The following PRKCB variants were observed in gnomAD, a reference collection of about 807,000 sequenced individuals.
PRKCB encodes the protein protein kinase C beta.
PRKCB carries 13 observed loss-of-function variants against 81.5 expected under a neutral mutation model. The ratio of observed to expected loss-of-function variants is 0.16; its 90% CI spans 0.10 to 0.25. The LOEUF is 0.25. Among genes scored for constraint, PRKCB ranks in the 10% least tolerant of loss-of-function variants. The probability of loss-of-function intolerance (pLI) is 1.00; values close to 1 mark genes in which losing one functional copy is unlikely to be tolerated. For synonymous variants in PRKCB, 335 were observed against 321.4 expected (o/e 1.04, Z -0.45); for missense variants, 509 against 875.7 (o/e 0.58, Z 5.29).
At chr16:24,172,445 A>G in intron 11 of PRKCB, 84 bp downstream of exon 11, 2 of 1,184,384 alleles carry the variant, frequency 1.7e-6, no homozygotes, top group Middle Eastern at 3.8e-4. Flanking sequence ...TTTGCCAAAG[A>G]GGGATCTTTA....
At chr16:23,977,358 C>T (rs1234795718) in intron 2 of PRKCB, among the ~76,000 whole-genome samples, 2 of 152,130 alleles carry the variant, frequency 1.3e-5, no homozygotes, top group Admixed American at 6.5e-5. Context: ...CACCCAGGAG[C>T]TTTTAAAACG....
At chr16:24,035,981 TTGA>T (rs962805255) in intron 5 of PRKCB, among the ~76,000 whole-genome samples, 18 of 152,288 alleles carry the variant, frequency 1.2e-4, no homozygotes, top group African/African-American at 4.3e-4. Context: ...AAATGGAGTC[TTGA>T]TGATAAACCC....
At position 24,216,687 on chromosome 16, in the gene PRKCB, TG is replaced by T; in HGVS notation, c.*1872del. Reference sequence around the variant, plus strand: ...CTTCAGGCTTGGGGACCGTCCCTGCTGTCCCCACTGTGGTGGCAATCAGGAC... The same window carrying T: ...CTTCAGGCTTGGGGACCGTCCCTGCTTCCCCACTGTGGTGGCAATCAGGAC... On this transcript the variant is annotated 3_prime_UTR_variant, in exon 17 of 17. Transcript: ENST00000643927. 18 of 985,476 alleles carry T rather than the reference TG, an allele frequency of 1.8e-5. No individual in the cohort carries two copies. Among genetic ancestry groups the T allele is most frequent in the Non-Finnish European group, 2.2e-5 (18 of 829,942 alleles). The allele number at this position is 985,476 out of a possible 1,614,324, so 61.0% of individuals were successfully genotyped here.
At chr16:24,208,472 T>C (rs1221788479) in intron 16 of PRKCB, 1 of 152,210 alleles carries the variant, frequency 6.6e-6, no homozygotes. Flanking sequence ...AGGAGCGTAA[T>C]TCAACAAATC....
chr16:24,057,739 T>C (rs966469764), intron 5 of PRKCB, among the ~76,000 whole-genome samples: 1 of 152,098 alleles, frequency 6.6e-6, no homozygotes, highest in Non-Finnish European at 1.5e-5. Context: ...GACTTAGTTC[T>C]GGATGGGGCA....
intron 7 of PRKCB, among the ~76,000 whole-genome samples, chr16:24,107,764 G>T (rs148982048): frequency 3.3e-5 from 5 of 152,134 alleles, no homozygotes; most frequent in Non-Finnish European, 7.3e-5. Context: ...AATGGGAATC[G>T]GCAACCCTCA....
At chr16:23,879,132 CGT>C (rs897861292) in intron 2 of PRKCB, among the ~76,000 whole-genome samples, 4 of 151,544 alleles carry the variant, frequency 2.6e-5, no homozygotes, top group African/African-American at 9.7e-5. Flanking sequence ...GAGCTGAGAG[CGT>C]GTCACTGCAC....
chr16:24,167,971 C>T (rs1202550292), intron 10 of PRKCB, among the ~76,000 whole-genome samples: 2 of 152,204 alleles, frequency 1.3e-5, no homozygotes, highest in African/African-American at 2.4e-5. Context: ...GCATTCAGCT[C>T]ATCACGTGGT....
intron 2 of PRKCB, among the ~76,000 whole-genome samples, chr16:23,942,894 G>A (rs755723415): frequency 1.3e-5 from 2 of 152,076 alleles, no homozygotes; most frequent in Non-Finnish European, 2.9e-5. Context: ...TCTCAACTTT[G>A]CTCTCATTTC....
chr16:23,936,534 T>C (rs1165701317), intron 2 of PRKCB, among the ~76,000 whole-genome samples: 2 of 150,998 alleles, frequency 1.3e-5, no homozygotes, highest in Non-Finnish European at 2.9e-5. Flanking sequence ...CACCTCAGCT[T>C]CCTGCGTAGG....
intron 3 of PRKCB, among the ~76,000 whole-genome samples, chr16:23,992,173 C>A (rs909785833): frequency 6.6e-6 from 1 of 152,132 alleles, no homozygotes; most frequent in Non-Finnish European, 1.5e-5. Flanking sequence ...TTTCTAGCCT[C>A]CAGAACTGTG....
intron 16 of PRKCB, among the ~76,000 whole-genome samples, chr16:24,211,780 G>A (rs1284240910): frequency 1.3e-5 from 2 of 151,970 alleles, no homozygotes; most frequent in South Asian, 2.1e-4. Context: ...GGCTGGTCTC[G>A]AACTCTTGAT....
chr16:24,210,384 C>T (rs1485743072), intron 16 of PRKCB, among the ~76,000 whole-genome samples: 1 of 152,122 alleles, frequency 6.6e-6, no homozygotes, highest in Non-Finnish European at 1.5e-5. Context: ...CCTAGCATGC[C>T]TTTCCTCCCG....
chr16:24,156,767 T>C (rs767927190), intron 10 of PRKCB, among the ~76,000 whole-genome samples: 36 of 152,234 alleles, frequency 2.4e-4, no homozygotes, highest in Non-Finnish European at 4.0e-4. Context: ...CAAGTGGTGA[T>C]AGAGACAAGG....
Position 24,207,950 on chromosome 16 carries a change from T to G in PRKCB, c.1864-6708T>G, listed in dbSNP as rs558348411. ...TACTTCAGTATGGCTGGAGGGTGTC[T>G]CAGGGGGTGGGGGACACAGGCAGGG... On this transcript the variant is annotated intron_variant, in intron 16 of 16. Coordinates refer to ENST00000643927, the MANE Select transcript of PRKCB (RefSeq NM_002738.7). Among the ~76,000 whole-genome samples, 178 of 152,202 alleles carry G rather than the reference T, an allele frequency of 1.2e-3. 1 individual carries two copies. The highest frequency in any genetic ancestry group is 0.011 in the South Asian group (51 of 4,818).
intron 5 of PRKCB, among the ~76,000 whole-genome samples, chr16:24,077,812 G>A (rs1426589961): frequency 6.6e-6 from 1 of 152,162 alleles, no homozygotes. Context: ...GAGGATCATG[G>A]TCTGAGAATG....
At position 24,215,709 on chromosome 16, in the gene PRKCB, A is replaced by C. The variant is rs1295803354; in HGVS notation, c.*893A>C. 4 of 985,578 alleles carry C rather than the reference A, an allele frequency of 4.1e-6. No individual in the cohort carries two copies. The highest frequency in any genetic ancestry group is 4.8e-6 in the Non-Finnish European group (4 of 829,774). 61.1% of individuals were successfully genotyped at this position (985,578 alleles called of 1,614,324 possible). ...ACACATGCTTTAAAATATGTATTCA[A>C]ATGTTATTAACCACAATGACGACCT... On this transcript the variant is annotated 3_prime_UTR_variant, in exon 17 of 17. Transcript: ENST00000643927.
chr16:23,912,231 A>G (rs931230154), intron 2 of PRKCB, among the ~76,000 whole-genome samples: 1 of 152,020 alleles, frequency 6.6e-6, no homozygotes, highest in Non-Finnish European at 1.5e-5. Context: ...CCCTCATATT[A>G]TTATACTCAC....
chr16:23,886,408 T>TGTTTTG, intron 2 of PRKCB, among the ~76,000 whole-genome samples: 1 of 19,562 alleles, frequency 5.1e-5, no homozygotes, highest in African/African-American at 2.5e-4. Flanking sequence ...TGTTAGGTGT[T>TGTTTTG]TTTTTTTTTT....
Sources: gnomAD v4.1 joint callset for allele counts (sites outside exome capture counted in the v4.1 genomes callset) on GRCh38, gnomAD v4.1.1 for gene constraint, MANE v1.5 for transcripts, NCBI Gene and HGNC (gene_info 2026-07-23, HGNC 2026-07-21) for gene names.